The following CPXM1 variants were observed in gnomAD, a reference collection of about 807,000 sequenced individuals.
The protein encoded by CPXM1 is probable carboxypeptidase X1.
CPXM1 carries 72 observed loss-of-function variants against 80.4 expected under a neutral mutation model. The ratio of observed to expected loss-of-function variants is 0.90; its 90% CI spans 0.74 to 1.09. CPXM1 has a LOEUF of 1.09. CPXM1 is among the 50% of genes least tolerant of loss of function. The pLI is 0.00. For synonymous variants in CPXM1, 403 were observed against 405.6 expected (o/e 0.99, Z 0.08); for missense variants, 892 against 999.4 (o/e 0.89, Z 1.45).
chr20:2,796,233 G>C lies in CPXM1; in HGVS notation c.1242+14C>G. The C allele has an allele frequency of 6.2e-7, 1 of 1,612,578 alleles. No individual in the cohort carries two copies. Among genetic ancestry groups the C allele is most frequent in the Non-Finnish European group, 8.5e-7 (1 of 1,179,080 alleles). On this transcript the variant is annotated intron_variant, in intron 9 of 13. Coordinates refer to ENST00000380605, the MANE Select transcript of CPXM1 (RefSeq NM_019609.5). The surrounding 1 kb of genome is among the most constrained non-coding windows in gnomAD (Gnocchi z 6.8). ...GGCAGAAGGACAGAGTGGCCCTCATGCTGGGTGGCCTACCCGGTGGTAGGC... is the reference window on the plus strand; with the variant it reads ...GGCAGAAGGACAGAGTGGCCCTCATCCTGGGTGGCCTACCCGGTGGTAGGC...
chr20:2,798,615 C>A, intron 2 of CPXM1, 78 bp from the exon 3 acceptor site: 1 of 1,546,040 alleles, frequency 6.5e-7, no homozygotes. Context: ...CCTAAGGTTG[C>A]TCCTGCGCTA....
In CPXM1 at chr20:2,797,849, C is replaced by T. The variant is rs1268621654; in HGVS notation, c.681+119G>A. On this transcript the variant is annotated intron_variant, in intron 5 of 13. Transcript: ENST00000380605. ...GTGCCACCCTCTTGACAACAAGCCA[C>T]ACCCCCCTGGGAAGCCTAAGCTGGC... 10 of 888,008 alleles carry T rather than the reference C, an allele frequency of 1.1e-5. No individual in the cohort carries two copies. In the African/African-American group the frequency reaches 1.2e-4, roughly 10 times the overall value. 55.0% of individuals were successfully genotyped at this position (888,008 alleles called of 1,614,324 possible). A position where few individuals can be genotyped will look rare whatever the true frequency, so the allele number is the denominator to read the frequency against.
At position 2,796,482 on chromosome 20, in the gene CPXM1, G is replaced by A; in HGVS notation, c.1046-39C>T. On this transcript the variant is annotated intron_variant, in intron 8 of 13. Transcript: ENST00000380605. The surrounding 1 kb of genome is among the most constrained non-coding windows in gnomAD (Gnocchi z 6.8). ...GGGGCTTGCAGCGGGTTCATGCCTG[G>A]GGCCCTGCCCTGTGCCTACCTCTCC... 1 of 1,613,286 alleles carries A rather than the reference G, an allele frequency of 6.2e-7. No homozygotes were observed. The highest frequency in any genetic ancestry group is 1.1e-5 in the South Asian group (1 of 90,994).
chr20:2,797,484 C>A, intron 5 of CPXM1, 142 bp from the exon 6 acceptor site: 2 of 951,188 alleles, frequency 2.1e-6, no homozygotes, highest in Non-Finnish European at 3.0e-6. Flanking sequence ...GCATCAAACA[C>A]AGACCCCGGC....
chr20:2,796,120 G>T lies in CPXM1; in HGVS notation c.1284C>A (p.Asn428Lys). The T allele has an allele frequency of 6.2e-7, 1 of 1,613,622 alleles. No homozygotes were observed. The highest frequency in any genetic ancestry group is 8.5e-7 in the Non-Finnish European group (1 of 1,179,730). ...AATTATGGTTAAGATCGATGCTCTG[G>T]TTGTTCCAGCGGCCCTCGGCCCAGC... The part of the protein sequence containing the change: ...LVGWAEGRWN[N>K]QSIDLNHNFA... Residue 428 changes from asparagine (N) to lysine (K), a missense_variant, in exon 10 of 14, where the codon AAC becomes AAA. Asn to Lys is a moderately conservative substitution (Grantham distance 94). This residue lies in a region of CPXM1 where 874 missense variants were observed against 958.4 expected (regional missense o/e 0.91). Coordinates refer to ENST00000380605, the MANE Select transcript of CPXM1 (RefSeq NM_019609.5). The surrounding 1 kb of genome is among the most constrained non-coding windows in gnomAD (Gnocchi z 6.8).
chr20:2,798,105 A>G, intron 4 of CPXM1, 47 bp from the exon 5 acceptor site: 1 of 1,613,318 alleles, frequency 6.2e-7, no homozygotes, highest in Non-Finnish European at 8.5e-7. Context: ...CAGGACTCCC[A>G]CCCCAGTCCT....
In CPXM1 at chr20:2,795,494, G is replaced by A. The variant is rs1316255574; in HGVS notation, c.1721-78C>T. On this transcript the variant is annotated intron_variant, in intron 11 of 13. Transcript: ENST00000380605. The surrounding 1 kb of genome is among the most constrained non-coding windows in gnomAD (Gnocchi z 5.4). ...TCCCGCTACCCTCCCTTCTCTGAGG[G>A]ACACTTCAGAGTGGGAACAGACGCC... 3.8e-6 allele frequency: 6 copies of A among 1,586,962 alleles called. No homozygotes were observed. Among genetic ancestry groups the A allele is most frequent in the Admixed American group, 3.4e-5 (2 of 59,130 alleles).
intron 1 of CPXM1, among the ~76,000 whole-genome samples, chr20:2,799,445 C>T (rs2088544690): frequency 6.6e-6 from 1 of 152,182 alleles, no homozygotes; most frequent in Admixed American, 6.5e-5. Context: ...GGTGTCGAGG[C>T]TTTCAGGGCT....
At position 2,794,731 on chromosome 20, in the gene CPXM1, A is replaced by G; in HGVS notation, c.1861-92T>C. On this transcript the variant is annotated intron_variant, in intron 12 of 13. Transcript: ENST00000380605. This position sits in a 1 kb window ranked among gnomAD's most constrained non-coding sequence, Gnocchi z 5.2. ...CTGGCTCTGTTGCCCTGCAAACCTGAGCAAAGTGGTAGGTCTACTGTGTTC... is the reference window on the plus strand; with the variant it reads ...CTGGCTCTGTTGCCCTGCAAACCTGGGCAAAGTGGTAGGTCTACTGTGTTC... 1.1e-6 allele frequency: 1 copy of G among 949,404 alleles called. No individual in the cohort carries two copies. The allele number at this position is 949,404 out of a possible 1,614,324, so 58.8% of individuals were successfully genotyped here.
chr20:2,798,640 G>T (rs960064032), intron 2 of CPXM1, 86 bp downstream of exon 2: 2 of 1,541,456 alleles, frequency 1.3e-6, no homozygotes, highest in Non-Finnish European at 1.8e-6. Flanking sequence ...AGCAAGGGGC[G>T]TGCCGGTGCC....
chr20:2,800,466 T>C lies in CPXM1; in HGVS notation c.107A>G (p.Lys36Arg). The C allele has an allele frequency of 3.4e-6, 5 of 1,473,160 alleles. No homozygotes were observed. The highest frequency in any genetic ancestry group is 4.5e-6 in the Non-Finnish European group (5 of 1,119,284). 91.3% of individuals were successfully genotyped at this position (1,473,160 alleles called of 1,614,324 possible). ...CAGGGCCGGGGTCGAGCCTGGGACC[T>C]TGGTGGTCCCGGGCTGCGCGAGGCC... is the stretch of plus-strand genomic sequence containing the variant. ...VLGLAQPGTT[K>R]VPGSTPALHS... Residue 36 changes from lysine to arginine, a missense_variant, in exon 1 of 14, where the codon AAG becomes AGG. Transcript: ENST00000380605.
Position 2,798,758 on chromosome 20 carries a change from CCTG to C in CPXM1, c.305_307del (p.Ala102del). 1.2e-6 allele frequency: 2 copies of C among 1,613,418 alleles called. No homozygotes were observed. The highest frequency in any genetic ancestry group is 3.5e-4 in the Middle Eastern group (2 of 5,728). ...TTGTTTCTCAGCGGGGTCGAGGGTC[CCTG>C]CTGGAGTGGGGGTCACAAGGGGCCC... On this transcript the variant is annotated inframe_deletion, in exon 2 of 14. Transcript: ENST00000380605.
At position 2,795,926 on chromosome 20, in the gene CPXM1, G is replaced by A; in HGVS notation, c.1423-30C>T. On this transcript the variant is annotated intron_variant, in intron 10 of 13. Coordinates refer to ENST00000380605, the MANE Select transcript of CPXM1 (RefSeq NM_019609.5). This position sits in a 1 kb window ranked among gnomAD's most constrained non-coding sequence, Gnocchi z 5.4. ...ATGGGGCAGGTCAGGAGGGGCAGGAGACAGAGACAAGGTCCGCCCCCCACA... is the reference window on the plus strand; with the variant it reads ...ATGGGGCAGGTCAGGAGGGGCAGGAAACAGAGACAAGGTCCGCCCCCCACA... 1.2e-6 allele frequency: 2 copies of A among 1,603,692 alleles called. No homozygotes were observed. Among genetic ancestry groups the A allele is most frequent in the Non-Finnish European group, 1.7e-6 (2 of 1,172,702 alleles).
Position 2,795,555 on chromosome 20 carries a change from C to CG in CPXM1, c.1720+43dup, listed in dbSNP as rs781760114. 6.3e-7 allele frequency: 1 copy of CG among 1,598,044 alleles called. No homozygotes were observed. On this transcript the variant is annotated intron_variant, in intron 11 of 13. Coordinates refer to ENST00000380605, the MANE Select transcript of CPXM1 (RefSeq NM_019609.5). The surrounding 1 kb of genome is among the most constrained non-coding windows in gnomAD (Gnocchi z 5.4). ...GCAACCGCAGGCTGTCTTATCAGGG[C>CG]GGGGGTTACGGGGCCAGGGCTAACT...
At position 2,794,748 on chromosome 20, in the gene CPXM1, A is replaced by G; in HGVS notation, c.1861-109T>C. On this transcript the variant is annotated intron_variant, in intron 12 of 13. Coordinates refer to ENST00000380605, the MANE Select transcript of CPXM1 (RefSeq NM_019609.5). This position sits in a 1 kb window ranked among gnomAD's most constrained non-coding sequence, Gnocchi z 5.2. Reference sequence around the variant, plus strand: ...CAAACCTGAGCAAAGTGGTAGGTCTACTGTGTTCCTAGGTGACACTACTTC... The same window carrying G: ...CAAACCTGAGCAAAGTGGTAGGTCTGCTGTGTTCCTAGGTGACACTACTTC... 1 of 764,674 alleles carries G rather than the reference A, an allele frequency of 1.3e-6. No individual in the cohort carries two copies. Among genetic ancestry groups the G allele is most frequent in the Admixed American group, 2.2e-5 (1 of 45,370 alleles). 47.4% of individuals were successfully genotyped at this position (764,674 alleles called of 1,614,324 possible).
At chr20:2,798,657 G>A in intron 2 of CPXM1, 69 bp downstream of exon 2, 1 of 1,566,652 alleles carries the variant, frequency 6.4e-7, no homozygotes, top group South Asian at 1.2e-5. Context: ...TGCCCATGAG[G>A]CCAAGAGCTG....
rs764939539 is a variant in CPXM1 at position 2,794,659 on chromosome 20, C to T, written c.1861-20G>A. 6.3e-7 allele frequency: 1 copy of T among 1,583,362 alleles called. No homozygotes were observed. Among genetic ancestry groups the T allele is most frequent in the South Asian group, 1.1e-5 (1 of 90,628 alleles). On this transcript the variant is annotated intron_variant, in intron 12 of 13. Transcript: ENST00000380605. The surrounding 1 kb of genome is among the most constrained non-coding windows in gnomAD (Gnocchi z 5.2). ...GCGCACCTGTGTGGGAAGAGGTTAT[C>T]AGAGCCCTTCCCCTTCGGCAGGATA...
rs757103392 is a variant in CPXM1, at chr20:2,798,707, G to A, written c.340+19C>T. On this transcript the variant is annotated intron_variant, in intron 2 of 13. Transcript: ENST00000380605. ...CCCAGGGGCTGCAAGTCTGGGCTGG[G>A]CCCCTGGAGAGGAAGTACCTGTTTC... 3 of 1,604,962 alleles carry A rather than the reference G, an allele frequency of 1.9e-6. No individual in the cohort carries two copies. The highest frequency in any genetic ancestry group is 3.4e-5 in the Admixed American group (2 of 59,332).
In CPXM1 at chr20:2,797,267, G is replaced by C. The variant is rs757483979; in HGVS notation, c.757C>G (p.Arg253Gly). 6.4e-7 allele frequency: 1 copy of C among 1,569,616 alleles called. No individual in the cohort carries two copies. The highest frequency in any genetic ancestry group is 1.8e-5 in the Admixed American group (1 of 54,194). The change falls in exon 6 of 14, where the codon CGC (arginine) becomes GGC (glycine). Residue 253 changes from arginine (R) to glycine (G), a missense_variant. Around this residue, in one of 2 missense-constraint regions of CPXM1, gnomAD observed 874 missense variants for 958.4 expected, o/e 0.91. Coordinates refer to ENST00000380605, the MANE Select transcript of CPXM1 (RefSeq NM_019609.5). ...LPEPQVARFI[R>G]LLPQTWLQGG... is the part of the protein sequence containing the mutation. ...TGGAGCCAGGTCTGGGGCAGCAGGCGAATGAAGCGGGCCACCTGGGGCTCC... is the reference window on the plus strand; with the variant it reads ...TGGAGCCAGGTCTGGGGCAGCAGGCCAATGAAGCGGGCCACCTGGGGCTCC...
Sources: allele counts gnomAD v4.1 joint callset (sites outside exome capture counted in the v4.1 genomes callset), GRCh38; gene constraint gnomAD v4.1.1; regional missense constraint gnomAD v4.1.1; non-coding constraint Gnocchi (gnomAD v3.1); transcripts MANE v1.5; gene names NCBI Gene and HGNC (gene_info 2026-07-23, HGNC 2026-07-21).